The following UGT2A1 variants were observed in gnomAD, a reference collection of about 807,000 sequenced individuals.
The protein encoded by UGT2A1 is UDP-glucuronosyltransferase 2A1.
In UGT2A1, 61 loss-of-function variants were observed where a neutral mutation model predicts 45.4. The observed-to-expected ratio is 1.34, with a 90% CI of 1.09 to 1.66. The LOEUF is 1.66. UGT2A1 is among the 40% of genes most tolerant of loss of function. The pLI is 0.00. For synonymous variants in UGT2A1, 229 were observed against 196.2 expected, an observed-to-expected ratio of 1.17 and a Z score of -1.40; for missense variants, 649 against 574.3, an observed-to-expected ratio of 1.13 and a Z score of -1.33.
intron 6 of UGT2A1, among the ~76,000 whole-genome samples, chr4:69,592,287 C>T (rs1718637224): frequency 6.6e-6 from 1 of 151,832 alleles, no homozygotes; most frequent in African/African-American, 2.4e-5. Context: ...CAATTAAGTC[C>T]AATACAACAT....
chr4:69,595,108 T>C, intron 5 of UGT2A1, 54 bp downstream of exon 5: 1 of 1,594,930 alleles, frequency 6.3e-7, no homozygotes, highest in Non-Finnish European at 8.6e-7. Context: ...ATTAAACAGT[T>C]ACTTAACTTG....
At chr4:69,643,342 A>G (rs1386946579) in intron 2 of UGT2A1, among the ~76,000 whole-genome samples, 1 of 151,712 alleles carries the variant, frequency 6.6e-6, no homozygotes, top group Non-Finnish European at 1.5e-5. Context: ...ATTTAAAAAG[A>G]AGGAAAAACA....
intron 3 of UGT2A1, among the ~76,000 whole-genome samples, chr4:69,630,533 C>T (rs1429505788): frequency 6.6e-6 from 1 of 152,030 alleles, no homozygotes; most frequent in East Asian, 1.9e-4. Flanking sequence ...GTACTCTAAG[C>T]TACTACAAAT....
intron 3 of UGT2A1, among the ~76,000 whole-genome samples, chr4:69,609,500 GA>G (rs1719902101): frequency 6.6e-6 from 1 of 151,978 alleles, no homozygotes; most frequent in Non-Finnish European, 1.5e-5. Flanking sequence ...GTTGTAGACT[GA>G]AACTGTAAAT....
chr4:69,602,284 CA>C (rs1222371136), intron 3 of UGT2A1, among the ~76,000 whole-genome samples: 2 of 136,504 alleles, frequency 1.5e-5, no homozygotes, highest in African/African-American at 3.0e-5. Context: ...TTTACACCAA[CA>C]AAGGCACTCC....
chr4:69,638,614 G>A (rs1236251518), intron 2 of UGT2A1, among the ~76,000 whole-genome samples: 6 of 152,110 alleles, frequency 3.9e-5, no homozygotes, highest in African/African-American at 1.2e-4. Flanking sequence ...TCCTAATATG[G>A]GCACTTTCAT....
intron 2 of UGT2A1, chr4:69,639,551 C>A (rs114994980): frequency 6.2e-7 from 1 of 1,612,888 alleles, no homozygotes; most frequent in East Asian, 2.2e-5. Flanking sequence ...TTAACACATT[C>A]CCACTTAGAA....
chr4:69,627,781 T>C (rs1344476403), intron 3 of UGT2A1, among the ~76,000 whole-genome samples: 1 of 151,886 alleles, frequency 6.6e-6, no homozygotes, highest in African/African-American at 2.4e-5. Context: ...AAATATAAAA[T>C]ATTAATATCA....
At position 69,599,284 on chromosome 4, in the gene UGT2A1, CA is replaced by C; in HGVS notation, c.957del (p.Gly320GlufsTer26). The C allele has an allele frequency of 6.2e-7, 1 of 1,613,744 alleles. No homozygotes were observed. The highest frequency in any genetic ancestry group is 8.5e-7 in the Non-Finnish European group (1 of 1,179,882). On this transcript the variant is annotated frameshift_variant, in exon 4 of 7. Transcript: ENST00000286604. LOFTEE classifies it high-confidence loss of function. ...TTGGCAGGTTTGCAGTGCAATCCTC[CA>C]ACAAACTCAAAATTAGGTAAGTATG... is the stretch of plus-strand genomic sequence containing the variant. Reference protein sequence around the residue: ...PRPYLPNFEFVGGLHCKPAKP... With the variant: ...PRPYLPNFEFXGGLHCKPAKP...
intron 3 of UGT2A1, among the ~76,000 whole-genome samples, chr4:69,614,078 C>A (rs1413579118): frequency 6.6e-6 from 1 of 151,542 alleles, no homozygotes; most frequent in East Asian, 1.9e-4. Context: ...TCTAGAAAAA[C>A]CTAACAACCT....
chr4:69,628,503 G>A (rs890668609), intron 3 of UGT2A1, among the ~76,000 whole-genome samples: 1 of 151,494 alleles, frequency 6.6e-6, no homozygotes, highest in African/African-American at 2.4e-5. Context: ...TGAACAAAGA[G>A]TAGTCTCTTC....
rs1720233108 is a variant in UGT2A1 at position 69,614,134 on chromosome 4, G to A, written c.848-14740C>T. ...TGATAAACCCATTCAGTAGTTCCAG[G>A]ACACAAAATCAACATACAAATATCA... is the stretch of plus-strand genomic sequence containing the variant. On this transcript the variant is annotated intron_variant, in intron 3 of 6. Transcript: ENST00000286604. Among the ~76,000 whole-genome samples the A allele has an allele frequency of 2.4e-5, 3 of 122,578 alleles. No individual in the cohort carries two copies. In the South Asian group the frequency reaches 7.9e-4, roughly 32 times the overall value. The allele number at this position is 122,578 out of a possible 152,430, so 80.4% of individuals were successfully genotyped here. A position where few individuals can be genotyped will look rare whatever the true frequency, so the allele number is the denominator to read the frequency against.
rs764083913 is a variant in UGT2A1 at position 69,599,226 on chromosome 4, C to A, written c.996+20G>T. 40 of 1,588,470 alleles carry A rather than the reference C, an allele frequency of 2.5e-5. No homozygotes were observed. The highest frequency in any genetic ancestry group is 3.4e-4 in the Middle Eastern group (2 of 5,966). On this transcript the variant is annotated intron_variant, in intron 4 of 6. Transcript: ENST00000286604. ...ATTTTATTATGAAGAGCATAAAATCCTCCACTGTTGTAGACCTACCTTAGG... is the reference window on the plus strand; with the variant it reads ...ATTTTATTATGAAGAGCATAAAATCATCCACTGTTGTAGACCTACCTTAGG...
At chr4:69,622,326 G>C (rs1720801427) in intron 3 of UGT2A1, among the ~76,000 whole-genome samples, 1 of 151,658 alleles carries the variant, frequency 6.6e-6, no homozygotes, top group South Asian at 2.1e-4. Flanking sequence ...CAAAAAGTTA[G>C]AGATCAAAAC....
intron 2 of UGT2A1, chr4:69,639,146 A>T (rs1415874127): frequency 6.2e-7 from 1 of 1,613,730 alleles, no homozygotes; most frequent in East Asian, 2.2e-5. Context: ...CAACAAGATC[A>T]CCACAGATTG....
chr4:69,621,496 A>C (rs1355929405), intron 3 of UGT2A1, among the ~76,000 whole-genome samples: 2 of 151,982 alleles, frequency 1.3e-5, no homozygotes, highest in Non-Finnish European at 2.9e-5. Context: ...AAAGTAAAAA[A>C]AATAACAGAT....
chr4:69,639,934 C>T (rs1199626131), intron 2 of UGT2A1, among the ~76,000 whole-genome samples: 1 of 151,882 alleles, frequency 6.6e-6, no homozygotes, highest in East Asian at 1.9e-4. Flanking sequence ...ATATATTTTT[C>T]ACTAAATTGA....
intron 2 of UGT2A1, among the ~76,000 whole-genome samples, chr4:69,646,522 T>C (rs1019694499): frequency 6.6e-6 from 1 of 151,874 alleles, no homozygotes; most frequent in African/African-American, 2.4e-5. Context: ...TCCACATATA[T>C]GTATGTTCTT....
intron 3 of UGT2A1, among the ~76,000 whole-genome samples, chr4:69,622,125 A>G (rs964872476): frequency 1.3e-5 from 2 of 151,894 alleles, no homozygotes; most frequent in African/African-American, 4.8e-5. Flanking sequence ...TTACCTGTGT[A>G]ACAAACCTGC....
Sources: gnomAD v4.1 joint callset for allele counts (sites outside exome capture counted in the v4.1 genomes callset) on GRCh38, gnomAD v4.1.1 for gene constraint, MANE v1.5 for transcripts, NCBI Gene and HGNC (gene_info 2026-07-23, HGNC 2026-07-21) for gene names.